Variants in KLHL2 observed in about 807,000 individuals in gnomAD.
KLHL2 encodes kelch-like protein 2.
KLHL2 carries 15 observed loss-of-function variants against 75.8 expected under a neutral mutation model. The ratio of observed to expected loss-of-function variants is 0.20; its 90% CI spans 0.13 to 0.30. KLHL2 has a LOEUF of 0.30. KLHL2 is among the 10% of genes least tolerant of loss of function. The probability of loss-of-function intolerance (pLI) is 1.00; values close to 1 mark genes in which losing one functional copy is unlikely to be tolerated. For missense variants in KLHL2, 381 were observed against 741.0 expected (o/e 0.51, Z 5.64); for synonymous variants, 214 against 251.9 (o/e 0.85, Z 1.42).
At chr4:165,286,051 G>A (rs928400668) in intron 5 of KLHL2, among the ~76,000 whole-genome samples, 1 of 152,178 alleles carries the variant, frequency 6.6e-6, no homozygotes, top group Non-Finnish European at 1.5e-5. Context: ...GGAAGAACTT[G>A]ATTTATGTTG....
At chr4:165,269,906 A>C (rs1295154298) in intron 5 of KLHL2, among the ~76,000 whole-genome samples, 1 of 152,134 alleles carries the variant, frequency 6.6e-6, no homozygotes, top group East Asian at 1.9e-4. Context: ...TAATATCCTG[A>C]AGAGTGTTTT....
intron 5 of KLHL2, among the ~76,000 whole-genome samples, chr4:165,284,618 A>G (rs1159043475): frequency 6.6e-6 from 1 of 152,112 alleles, no homozygotes; most frequent in Non-Finnish European, 1.5e-5. Flanking sequence ...TTTTTCTGTC[A>G]TCTTCTTCTG....
Position 165,311,468 on chromosome 4 carries a change from G to C in KLHL2, c.1242G>C (p.Leu414Phe). Residue 414 changes from leucine (L) to phenylalanine (F), a missense_variant, in exon 11 of 15, where the codon TTG becomes TTC. Coordinates refer to ENST00000226725, the MANE Select transcript of KLHL2 (RefSeq NM_007246.4). ...AVGGFDGSTG[L>F]SSVEAYNIKS... ...GACTATTGTGCTTTATTATAGGTTT[G>C]TCATCTGTGGAAGCATACAACATAA... 6.2e-7 allele frequency: 1 copy of C among 1,607,148 alleles called. No homozygotes were observed. Among genetic ancestry groups the C allele is most frequent in the Non-Finnish European group, 8.5e-7 (1 of 1,174,610 alleles).
intron 7 of KLHL2, 99 bp from the exon 8 acceptor site, chr4:165,299,408 T>C: frequency 9.4e-7 from 1 of 1,060,746 alleles, no homozygotes; most frequent in East Asian, 2.6e-5. Context: ...CTAAAGGATA[T>C]AGTTACTGCT....
intron 5 of KLHL2, among the ~76,000 whole-genome samples, chr4:165,293,023 G>T (rs1744631959): frequency 6.6e-6 from 1 of 152,114 alleles, no homozygotes; most frequent in Non-Finnish European, 1.5e-5. Context: ...TACAGATGAG[G>T]AAACCAAGGC....
At chr4:165,281,166 G>A (rs574485676) in intron 5 of KLHL2, among the ~76,000 whole-genome samples, 1 of 151,978 alleles carries the variant, frequency 6.6e-6, no homozygotes, top group Non-Finnish European at 1.5e-5. Flanking sequence ...AAAGGTGCTT[G>A]GTGTTTAGAA....
rs1747064504 is a variant in KLHL2 at position 165,322,611 on chromosome 4, A to G, written c.*551A>G. ...TGTGTCTATATGCTTTCCTTTAAAT[A>G]TGTTTGAAAAGATGTTTGAAACTTG... On this transcript the variant is annotated 3_prime_UTR_variant, in exon 15 of 15. Coordinates refer to ENST00000226725, the MANE Select transcript of KLHL2 (RefSeq NM_007246.4). The G allele has an allele frequency of 6.5e-6, 1 of 152,680 alleles. No homozygotes were observed. Among genetic ancestry groups the G allele is most frequent in the South Asian group, 2.1e-4 (1 of 4,834 alleles). The allele number at this position is 152,680 out of a possible 1,614,324, so 9.5% of individuals were successfully genotyped here.
chr4:165,252,588 A>G (rs1273511648), intron 4 of KLHL2: 3 of 152,238 alleles, frequency 2.0e-5, no homozygotes, highest in African/African-American at 4.8e-5. Context: ...CTAGCTTTGT[A>G]CAATGGCAGT....
At chr4:165,212,661 A>G (rs1737269146) in intron 1 of KLHL2, among the ~76,000 whole-genome samples, 2 of 152,236 alleles carry the variant, frequency 1.3e-5, no homozygotes, top group Admixed American at 1.3e-4. Context: ...AGTCTTGTCA[A>G]CAACCTTATA....
intron 9 of KLHL2, 121 bp downstream of exon 9, chr4:165,305,846 T>C (rs1745689085): frequency 2.8e-6 from 2 of 703,976 alleles, no homozygotes; most frequent in Admixed American, 4.6e-5. Flanking sequence ...AATAGCTATG[T>C]AGTTAAACAG....
rs1746075748 is a variant in KLHL2 at position 165,310,501 on chromosome 4, T to C, written c.1040-52T>C. Reference sequence around the variant, plus strand: ...TTATCAGAAAGCAATCTTTGGATATTGGTGGTAGTTGAGTTGCATGTTGAT... The same window carrying C: ...TTATCAGAAAGCAATCTTTGGATATCGGTGGTAGTTGAGTTGCATGTTGAT... On this transcript the variant is annotated intron_variant, in intron 9 of 14. Transcript: ENST00000226725. 7.0e-6 allele frequency: 10 copies of C among 1,419,076 alleles called. No homozygotes were observed. The Admixed American group carries it at 1.7e-4, about 24-fold the overall frequency. 87.9% of individuals were successfully genotyped at this position (1,419,076 alleles called of 1,614,324 possible). A position where few individuals can be genotyped will look rare whatever the true frequency, so the allele number is the denominator to read the frequency against.
At chr4:165,292,568 G>A (rs930647562) in intron 5 of KLHL2, among the ~76,000 whole-genome samples, 1 of 151,906 alleles carries the variant, frequency 6.6e-6, no homozygotes, top group African/African-American at 2.4e-5. Flanking sequence ...CCTGACCTCA[G>A]GTCATCCGCC....
At chr4:165,223,783 TG>T (rs1362336165) in intron 2 of KLHL2, among the ~76,000 whole-genome samples, 1 of 152,142 alleles carries the variant, frequency 6.6e-6, no homozygotes, top group African/African-American at 2.4e-5. Context: ...CAAGTGTGGA[TG>T]GGGGAAATTT....
intron 5 of KLHL2, among the ~76,000 whole-genome samples, chr4:165,277,056 GA>G (rs1441572206): frequency 2.0e-5 from 3 of 152,012 alleles, no homozygotes; most frequent in African/African-American, 7.2e-5. Flanking sequence ...GGCTGTTTAA[GA>G]AAAAAATTCT....
At chr4:165,310,777 T>G (rs947732328) in intron 10 of KLHL2, 27 bp downstream of exon 10, 2 of 1,546,642 alleles carry the variant, frequency 1.3e-6, no homozygotes, top group Non-Finnish European at 1.8e-6. Context: ...TTATTCTACA[T>G]TGCTGCTAAA....
chr4:165,288,648 T>G (rs562666042), intron 5 of KLHL2, among the ~76,000 whole-genome samples: 68 of 152,304 alleles, frequency 4.5e-4, no homozygotes, highest in African/African-American at 1.6e-3. Context: ...TGTCTACTGA[T>G]GAACTCTCTT....
chr4:165,234,836 A>G (rs549306107), intron 3 of KLHL2, among the ~76,000 whole-genome samples: 29 of 151,778 alleles, frequency 1.9e-4, no homozygotes, highest in African/African-American at 5.8e-4. Context: ...TTTTTTCTCA[A>G]TAAAAGTAGA....
intron 5 of KLHL2, among the ~76,000 whole-genome samples, chr4:165,275,769 C>T (rs934094272): frequency 2.0e-5 from 3 of 152,300 alleles, no homozygotes; most frequent in African/African-American, 4.8e-5. Flanking sequence ...AGAGCTGTAG[C>T]TGAAATTCTG....
chr4:165,311,198 G>A (rs1447417474), intron 10 of KLHL2, among the ~76,000 whole-genome samples: 1 of 152,096 alleles, frequency 6.6e-6, no homozygotes, highest in African/African-American at 2.4e-5. Context: ...TTCCTTAAAT[G>A]ATATGAGTGG....
Sources: allele counts gnomAD v4.1 joint callset (sites outside exome capture counted in the v4.1 genomes callset), GRCh38; gene constraint gnomAD v4.1.1; transcripts MANE v1.5; gene names NCBI Gene and HGNC (gene_info 2026-07-23, HGNC 2026-07-21).